CABP5: variants seen among roughly 807,000 people sequenced by gnomAD.
CABP5 encodes calcium binding protein 5, also known as calcium-binding protein 5.
A neutral mutation model predicts 21.9 loss-of-function variants in CABP5; 17 were observed. The observed-to-expected ratio is 0.78, with a 90% confidence interval of 0.53 to 1.17. The LOEUF is 1.17. Ranked by LOEUF, CABP5 falls within the 50% of genes most tolerant of loss-of-function variation. The probability of loss-of-function intolerance (pLI) is 0.00; values close to 1 mark genes in which losing one functional copy is unlikely to be tolerated. For missense variants in CABP5, 229 were observed against 228.9 expected, an observed-to-expected ratio of 1.00 and a Z score of 0.00; for synonymous variants, 85 against 79.4, an observed-to-expected ratio of 1.07 and a Z score of -0.37.
intron 1 of CABP5, 90 bp from the exon 2 acceptor site, chr19:48,041,693 C>A: frequency 8.5e-7 from 1 of 1,178,938 alleles, no homozygotes; most frequent in East Asian, 2.6e-5. Flanking sequence ...CCTCCCCACG[C>A]TCTCGTGGTT....
At chr19:48,032,334 CTTTTT>C (rs11384879) in intron 5 of CABP5, among the ~76,000 whole-genome samples, 115 of 144,230 alleles carry the variant, frequency 8.0e-4, no homozygotes, top group African/African-American at 2.1e-3. Context: ...TAATTTTGGA[CTTTTT>C]TTTTTTTTTT....
chr19:48,039,300 A>G lies in CABP5; in HGVS notation c.256T>C (p.Phe86Leu). ...IRMNLGGRVD[F>L]DDFVELMTPK... ...GTCATCAGCTCCACAAAGTCATCAA[A>G]GTCTACACGGCCACCCACTGAGGAA... Residue 86 changes from phenylalanine (F) to leucine (L), a missense_variant, in exon 4 of 6, where the codon TTT becomes CTT. Physicochemically the swap from Phe to Leu is conservative, Grantham distance 22. Transcript: ENST00000293255. 1.2e-6 allele frequency: 2 copies of G among 1,614,048 alleles called. No individual in the cohort carries two copies. The highest frequency in any genetic ancestry group is 1.1e-5 in the South Asian group (1 of 91,076).
At chr19:48,043,295 C>T (rs1315793144) in intron 1 of CABP5, among the ~76,000 whole-genome samples, 1 of 145,506 alleles carries the variant, frequency 6.9e-6, no homozygotes, top group African/African-American at 2.6e-5. Context: ...GCATGAGCCA[C>T]TATACTTGGC....
chr19:48,036,169 G>A (rs1216483294), intron 4 of CABP5, among the ~76,000 whole-genome samples: 1 of 152,052 alleles, frequency 6.6e-6, no homozygotes, highest in African/African-American at 2.4e-5. Flanking sequence ...AGCTTTGGAG[G>A]CAGTTCATTA....
intron 4 of CABP5, among the ~76,000 whole-genome samples, chr19:48,036,551 T>C (rs1273515824): frequency 6.6e-6 from 1 of 152,224 alleles, no homozygotes; most frequent in Non-Finnish European, 1.5e-5. Flanking sequence ...ACCATGGGTA[T>C]AAAGTTTCAG....
chr19:48,041,476 C>G (rs1967480785), intron 2 of CABP5, 97 bp downstream of exon 2: 1 of 1,189,804 alleles, frequency 8.4e-7, no homozygotes, highest in African/African-American at 1.5e-5. Context: ...TGTAAAAATT[C>G]CATGTAATGG....
At chr19:48,039,825 T>C (rs1967458654) in intron 3 of CABP5, among the ~76,000 whole-genome samples, 1 of 147,288 alleles carries the variant, frequency 6.8e-6, no homozygotes, top group Non-Finnish European at 1.5e-5. Flanking sequence ...GCGATTCTCG[T>C]ACCTTAGCCT....
Position 48,030,526 on chromosome 19 carries a change from G to A in CABP5, c.*31C>T. 1.2e-6 allele frequency: 2 copies of A among 1,606,690 alleles called. No homozygotes were observed. Among genetic ancestry groups the A allele is most frequent in the East Asian group, 4.5e-5 (2 of 44,770 alleles). On this transcript the variant is annotated 3_prime_UTR_variant, in exon 6 of 6. Coordinates refer to ENST00000293255, the MANE Select transcript of CABP5 (RefSeq NM_019855.5). ...CAAGCGCTTGCTCCATGTTGACCAG[G>A]TGGAGAGGGTCTGGAGCTTCCAGGA...
intron 4 of CABP5, among the ~76,000 whole-genome samples, chr19:48,038,420 C>CTGGGTCTGATATTTTTTAG (rs1967437871): frequency 6.6e-6 from 1 of 152,210 alleles, no homozygotes; most frequent in African/African-American, 2.4e-5. Flanking sequence ...GTTATTCTCA[C>CTGGGTCTGATATTTTTTAG]TGGGTCTGAT....
chr19:48,031,671 C>T (rs113266162), intron 5 of CABP5, among the ~76,000 whole-genome samples: 6 of 152,262 alleles, frequency 3.9e-5, no homozygotes, highest in African/African-American at 9.6e-5. Flanking sequence ...CCTGAGGCCA[C>T]GTGGATAGTG....
intron 5 of CABP5, 66 bp from the exon 6 acceptor site, chr19:48,030,648 G>C (rs1967329379): frequency 6.5e-7 from 1 of 1,536,466 alleles, no homozygotes; most frequent in African/African-American, 1.4e-5. Flanking sequence ...ATTATTTTTT[G>C]AGCCCTTCCT....
chr19:48,037,242 A>G (rs1445458350), intron 4 of CABP5, among the ~76,000 whole-genome samples: 1 of 140,012 alleles, frequency 7.1e-6, no homozygotes, highest in African/African-American at 2.6e-5. Flanking sequence ...ATAAGTACAC[A>G]ATGGAATACT....
rs573944385 is a variant in CABP5, at chr19:48,037,930, T to G, written c.348+1278A>C. ...ATCCAGACAACTTTTTCTTTTTGTT[T>G]TGAGATGGAGTTTCACTCTTATAAC... On this transcript the variant is annotated intron_variant, in intron 4 of 5. Coordinates refer to ENST00000293255, the MANE Select transcript of CABP5 (RefSeq NM_019855.5). Among the ~76,000 whole-genome samples, 53 of 152,292 alleles carry G rather than the reference T, an allele frequency of 3.5e-4. No individual in the cohort carries two copies. The South Asian group carries it at 0.011, about 31-fold the overall frequency.
intron 4 of CABP5, among the ~76,000 whole-genome samples, chr19:48,037,259 C>CTTTTTTTTTTTTT (rs57230665): frequency 0.026 from 1,177 of 44,954 alleles, 349 homozygotes; most frequent in East Asian, 0.056. Flanking sequence ...TACTATTCAG[C>CTTTTTTTTTTTTT]TTTTTTTTTT....
At chr19:48,035,699 T>C (rs1352530095) in intron 4 of CABP5, among the ~76,000 whole-genome samples, 2 of 152,248 alleles carry the variant, frequency 1.3e-5, no homozygotes, top group East Asian at 1.9e-4. Context: ...ACAAGTGCCG[T>C]AAGGCAGGAA....
At position 48,041,415 on chromosome 19, in the gene CABP5, C is replaced by G. The variant is rs929494387; in HGVS notation, c.94+158G>C. The G allele has an allele frequency of 8.2e-6, 6 of 734,556 alleles. No homozygotes were observed. In the African/African-American group the frequency reaches 1.1e-4, roughly 13 times the overall value. The allele number at this position is 734,556 out of a possible 1,614,324, so 45.5% of individuals were successfully genotyped here. ...AATACTTTGGGAAGTCCTTCAACTG[C>G]CACGAGAAAGAGTTCTACAAAATTA... On this transcript the variant is annotated intron_variant, in intron 2 of 5. Transcript: ENST00000293255.
rs903023792 is a variant in CABP5, at chr19:48,030,319, G to C, written c.*238C>G. On this transcript the variant is annotated 3_prime_UTR_variant, in exon 6 of 6. Coordinates refer to ENST00000293255, the MANE Select transcript of CABP5 (RefSeq NM_019855.5). ...GGGGGTGGCAACTGGACCCTCCCAC[G>C]CTTCCTATTTCCATCCACAGACTCT... is the stretch of plus-strand genomic sequence containing the variant. The C allele has an allele frequency of 2.2e-6, 1 of 458,480 alleles. No homozygotes were observed. The highest frequency in any genetic ancestry group is 3.5e-5 in the East Asian group (1 of 28,536). The allele number at this position is 458,480 out of a possible 1,614,324, so 28.4% of individuals were successfully genotyped here.
Position 48,034,562 on chromosome 19 carries a change from A to G in CABP5, c.349-200T>C, listed in dbSNP as rs914217826. Among the ~76,000 whole-genome samples, 3 of 77,804 alleles carry G rather than the reference A, an allele frequency of 3.9e-5. No homozygotes were observed. The South Asian group carries it at 1.2e-3, about 30-fold the overall frequency. 51.0% of individuals were successfully genotyped at this position (77,804 alleles called of 152,430 possible). ...TTTCTTTCTTTTTTTTTTTTTTTTTATTTGAGACAGTCTCACCCTGTCACC... is the reference window on the plus strand; with the variant it reads ...TTTCTTTCTTTTTTTTTTTTTTTTTGTTTGAGACAGTCTCACCCTGTCACC... On this transcript the variant is annotated intron_variant, in intron 4 of 5. Transcript: ENST00000293255.
Position 48,030,412 on chromosome 19 carries a change from G to A in CABP5, c.*145C>T, listed in dbSNP as rs1352583079. On this transcript the variant is annotated 3_prime_UTR_variant, in exon 6 of 6. Transcript: ENST00000293255. Reference sequence around the variant, plus strand: ...GATACCGCTCTGGGTCTCACCCCATGCACAGCGCCGCATGCCAATGCCCTC... The same window carrying A: ...GATACCGCTCTGGGTCTCACCCCATACACAGCGCCGCATGCCAATGCCCTC... The A allele has an allele frequency of 1.4e-6, 1 of 726,674 alleles. No homozygotes were observed. Among genetic ancestry groups the A allele is most frequent in the East Asian group, 2.7e-5 (1 of 36,744 alleles). 45.0% of individuals were successfully genotyped at this position (726,674 alleles called of 1,614,324 possible). A position where few individuals can be genotyped will look rare whatever the true frequency, so the allele number is the denominator to read the frequency against.
Sources: allele counts gnomAD v4.1 joint callset (sites outside exome capture counted in the v4.1 genomes callset), GRCh38; gene constraint gnomAD v4.1.1; transcripts MANE v1.5; gene names NCBI Gene and HGNC (gene_info 2026-07-23, HGNC 2026-07-21).